Variants in TM9SF3 observed in about 807,000 individuals in gnomAD.
The protein encoded by TM9SF3 is transmembrane 9 superfamily member 3.
TM9SF3 carries 14 observed loss-of-function variants against 78.6 expected under a neutral mutation model. The ratio of observed to expected loss-of-function variants is 0.18; its 90% confidence interval spans 0.12 to 0.28. The LOEUF (loss-of-function observed/expected upper bound fraction) is 0.28. Ranked by LOEUF, TM9SF3 falls within the 10% of genes least tolerant of loss-of-function variation. TM9SF3 has a pLI of 1.00. For synonymous variants in TM9SF3, 231 were observed against 241.7 expected (o/e 0.96, Z 0.41); for missense variants, 496 against 721.9 (o/e 0.69, Z 3.59).
rs374526160 is a variant in TM9SF3 at position 96,554,164 on chromosome 10, A to T, written c.661-1105T>A. ...GTCATAGAGTTTAAACAATAAAGGT[A>T]AAGCAAATAGTATAGTGCCTGGCAC... On this transcript the variant is annotated intron_variant, in intron 5 of 14. Coordinates refer to ENST00000371142, the MANE Select transcript of TM9SF3 (RefSeq NM_020123.4). 2.0e-5 allele frequency among the ~76,000 whole-genome samples: 3 copies of T among 152,340 alleles called. No individual in the cohort carries two copies. In the East Asian group the frequency reaches 5.8e-4, roughly 29 times the overall value.
chr10:96,567,393 T>C (rs760736006), intron 2 of TM9SF3, among the ~76,000 whole-genome samples: 1 of 152,138 alleles, frequency 6.6e-6, no homozygotes, highest in African/African-American at 2.4e-5. Flanking sequence ...CCAATCTGTA[T>C]AAAGCTTTTA....
At chr10:96,568,917 T>A (rs1280585852) in intron 2 of TM9SF3, among the ~76,000 whole-genome samples, 1 of 152,180 alleles carries the variant, frequency 6.6e-6, no homozygotes, top group Non-Finnish European at 1.5e-5. Context: ...CCAAGCGTGC[T>A]GGCTCACACC....
Position 96,586,895 on chromosome 10 carries a change from TCCGCCGCCGCCG to T in TM9SF3, c.-72_-61del. On this transcript the variant is annotated 5_prime_UTR_variant, in exon 1 of 15. Coordinates refer to ENST00000371142, the MANE Select transcript of TM9SF3 (RefSeq NM_020123.4). ...GACTCCTCCTCCCGCCGCCGCCTCC[TCCGCCGCCGCCG>T]CCTCCGCCGCGGCCGATTCGCATCC... 8.8e-7 allele frequency: 1 copy of T among 1,140,320 alleles called. No homozygotes were observed. Among genetic ancestry groups the T allele is most frequent in the Non-Finnish European group, 1.1e-6 (1 of 924,146 alleles). 70.6% of individuals were successfully genotyped at this position (1,140,320 alleles called of 1,614,324 possible). A position where few individuals can be genotyped will look rare whatever the true frequency, so the allele number is the denominator to read the frequency against.
chr10:96,586,368 G>C (rs914254144), intron 1 of TM9SF3, among the ~76,000 whole-genome samples: 4 of 152,136 alleles, frequency 2.6e-5, no homozygotes, highest in African/African-American at 9.7e-5. Flanking sequence ...TTCCCTGGGG[G>C]GCAAAAGCCC....
chr10:96,543,344 C>CTTTT lies in TM9SF3; in HGVS notation c.1185+728_1185+731dup, dbSNP rs398014526. Among the ~76,000 whole-genome samples the CTTTT allele has an allele frequency of 2.9e-5, 4 of 136,888 alleles. 2 individuals are homozygous for CTTTT. Among genetic ancestry groups the CTTTT allele is most frequent in the Admixed American group, 1.5e-4 (2 of 13,236 alleles). 89.8% of individuals were successfully genotyped at this position (136,888 alleles called of 152,430 possible). A position where few individuals can be genotyped will look rare whatever the true frequency, so the allele number is the denominator to read the frequency against. On this transcript the variant is annotated intron_variant, in intron 9 of 14. Coordinates refer to ENST00000371142, the MANE Select transcript of TM9SF3 (RefSeq NM_020123.4). ...ATTTACAAAAATGCTTAGTGAGATT[C>CTTTT]TTTTTTTTGAGATGGAGTCTGGCTC...
chr10:96,564,169 G>C (rs1175138384), intron 3 of TM9SF3, among the ~76,000 whole-genome samples: 3 of 151,530 alleles, frequency 2.0e-5, no homozygotes, highest in Non-Finnish European at 2.9e-5. Flanking sequence ...GGGTGCACCG[G>C]TAGTCCCAGC....
At chr10:96,545,813 C>T (rs1848090502) in intron 8 of TM9SF3, among the ~76,000 whole-genome samples, 2 of 152,178 alleles carry the variant, frequency 1.3e-5, no homozygotes, top group Non-Finnish European at 2.9e-5. Flanking sequence ...CGCTTGAACC[C>T]AGGAGGTGGA....
intron 9 of TM9SF3, among the ~76,000 whole-genome samples, chr10:96,541,656 C>T (rs1051098777): frequency 1.3e-5 from 2 of 152,222 alleles, no homozygotes; most frequent in African/African-American, 2.4e-5. Flanking sequence ...GCTGGAATTA[C>T]AGGCGTGAGC....
intron 1 of TM9SF3, among the ~76,000 whole-genome samples, chr10:96,580,145 C>T (rs189949132): frequency 5.3e-4 from 80 of 152,284 alleles, no homozygotes; most frequent in Non-Finnish European, 9.3e-4. Flanking sequence ...TTCAGGCTAC[C>T]GGCATTCTTC....
chr10:96,522,181 C>T lies in TM9SF3; in HGVS notation c.*82G>A. Reference sequence around the variant, plus strand: ...CAGTGTGTTAAAGCCCAAATCTCTTCTTGCGTTTGTTTGTTTTTGCTGTGC... The same window carrying T: ...CAGTGTGTTAAAGCCCAAATCTCTTTTTGCGTTTGTTTGTTTTTGCTGTGC... On this transcript the variant is annotated 3_prime_UTR_variant, in exon 15 of 15. Coordinates refer to ENST00000371142, the MANE Select transcript of TM9SF3 (RefSeq NM_020123.4). The T allele has an allele frequency of 1.6e-6, 2 of 1,223,096 alleles. No homozygotes were observed. The highest frequency in any genetic ancestry group is 2.3e-6 in the Non-Finnish European group (2 of 856,886). The allele number at this position is 1,223,096 out of a possible 1,614,324, so 75.8% of individuals were successfully genotyped here. A position where few individuals can be genotyped will look rare whatever the true frequency, so the allele number is the denominator to read the frequency against.
At chr10:96,558,334 C>T (rs1481924391) in intron 5 of TM9SF3, among the ~76,000 whole-genome samples, 1 of 152,058 alleles carries the variant, frequency 6.6e-6, no homozygotes, top group Non-Finnish European at 1.5e-5. Context: ...GAGTAGTATG[C>T]TAAATCCTTC....
At chr10:96,527,643 T>G (rs1050558853) in intron 12 of TM9SF3, 147 bp from the exon 13 acceptor site, 9 of 618,146 alleles carry the variant, frequency 1.5e-5, no homozygotes, top group African/African-American at 1.3e-4. Flanking sequence ...GGTATTCAAA[T>G]TTATCAACAA....
rs777860170 is a variant in TM9SF3 at position 96,552,964 on chromosome 10, A to G, written c.756T>C (p.Tyr252=). 2 of 1,605,578 alleles carry G rather than the reference A, an allele frequency of 1.2e-6. No individual in the cohort carries two copies. The highest frequency in any genetic ancestry group is 8.5e-7 in the Non-Finnish European group (1 of 1,177,516). The part of the protein sequence containing the change: ...MILMRTLRKD[Y]ARYSKEEEMD... ...TTTCTTCCTCTTTACTGTACCGAGC[A>G]TAATCTTTTCTTAATGTTCTCATTA... Residue 252 remains tyrosine (Y), a synonymous_variant, in exon 6 of 15, where the codon TAT becomes TAC. Transcript: ENST00000371142.
At position 96,520,215 on chromosome 10, in the gene TM9SF3, A is replaced by G. The variant is rs1356250568; in HGVS notation, c.*2048T>C. 6.6e-6 allele frequency: 1 copy of G among 151,918 alleles called. No homozygotes were observed. Among genetic ancestry groups the G allele is most frequent in the Non-Finnish European group, 1.5e-5 (1 of 67,822 alleles). The allele number at this position is 151,918 out of a possible 1,614,324, so 9.4% of individuals were successfully genotyped here. A position where few individuals can be genotyped will look rare whatever the true frequency, so the allele number is the denominator to read the frequency against. On this transcript the variant is annotated 3_prime_UTR_variant, in exon 15 of 15. Coordinates refer to ENST00000371142, the MANE Select transcript of TM9SF3 (RefSeq NM_020123.4). The stretch of plus-strand genomic sequence containing the variant: ...AAAAGGTTACATAATATAGGCAACT[A>G]AATATTAACTTTTAGTTTCTTTTTT...
At chr10:96,557,519 T>C (rs1589455999) in intron 5 of TM9SF3, among the ~76,000 whole-genome samples, 1 of 99,518 alleles carries the variant, frequency 1.0e-5, no homozygotes, top group East Asian at 2.7e-4. Context: ...AAAGTCAGAT[T>C]TGTTACCCCC....
At chr10:96,543,420 C>T (rs1342858738) in intron 9 of TM9SF3, among the ~76,000 whole-genome samples, 1 of 147,756 alleles carries the variant, frequency 6.8e-6, no homozygotes, top group East Asian at 2.0e-4. Flanking sequence ...CTGCAACCTC[C>T]ACCTCCCAGG....
Position 96,552,013 on chromosome 10 carries a change from A to G in TM9SF3, c.793-602T>C, listed in dbSNP as rs1254137277. Among the ~76,000 whole-genome samples the G allele has an allele frequency of 4.6e-5, 7 of 152,212 alleles. No homozygotes were observed. The South Asian group carries it at 6.2e-4, about 14-fold the overall frequency. ...TCTAACACAGCTTGTTTCTAAAACA[A>G]TATTTCCTAAGGAATAGAAGTCCCT... is the stretch of plus-strand genomic sequence containing the variant. On this transcript the variant is annotated intron_variant, in intron 6 of 14. Coordinates refer to ENST00000371142, the MANE Select transcript of TM9SF3 (RefSeq NM_020123.4).
At chr10:96,538,486 T>C (rs1314644171) in intron 9 of TM9SF3, among the ~76,000 whole-genome samples, 1 of 152,100 alleles carries the variant, frequency 6.6e-6, no homozygotes, top group East Asian at 1.9e-4. Context: ...AAAGACTTCT[T>C]AAATGGAACA....
chr10:96,562,291 C>G (rs1848319456), intron 3 of TM9SF3, among the ~76,000 whole-genome samples, 153 bp from the exon 4 acceptor site: 2 of 150,768 alleles, frequency 1.3e-5, no homozygotes, highest in Admixed American at 6.6e-5. Flanking sequence ...CACCTTCTGC[C>G]ATGATTGTAA....
Sources: allele counts gnomAD v4.1 joint callset (sites outside exome capture counted in the v4.1 genomes callset), GRCh38; gene constraint gnomAD v4.1.1; transcripts MANE v1.5; gene names NCBI Gene and HGNC (gene_info 2026-07-23, HGNC 2026-07-21).